GPT2: variants seen among roughly 807,000 people sequenced by gnomAD.
GPT2 encodes alanine aminotransferase 2.
Under a neutral mutation model 56.9 loss-of-function variants are expected in GPT2, and 30 were observed. The ratio of observed to expected loss-of-function variants is 0.53; its 90% confidence interval spans 0.39 to 0.72. The LOEUF (loss-of-function observed/expected upper bound fraction) is 0.72, where lower values mean the gene tolerates loss of function less well. GPT2 is among the 30% of genes least tolerant of loss of function. GPT2 has a pLI of 0.00. For missense variants in GPT2, 542 were observed against 703.4 expected, an observed-to-expected ratio of 0.77 and a Z score of 2.60; for synonymous variants, 271 against 283.1, an observed-to-expected ratio of 0.96 and a Z score of 0.43.
At chr16:46,896,013 C>T (rs1309084860) in intron 2 of GPT2, among the ~76,000 whole-genome samples, 1 of 152,228 alleles carries the variant, frequency 6.6e-6, no homozygotes, top group Non-Finnish European at 1.5e-5. Flanking sequence ...AGGACAAAGG[C>T]CAGGCCCTCC....
chr16:46,903,759 C>G (rs964157240), intron 4 of GPT2, among the ~76,000 whole-genome samples: 19 of 152,172 alleles, frequency 1.2e-4, no homozygotes, highest in African/African-American at 4.3e-4. Flanking sequence ...AGGCTGTGTT[C>G]TAGACACCAA....
intron 9 of GPT2, 95 bp from the exon 10 acceptor site, chr16:46,924,294 C>T (rs762454950): frequency 1.4e-6 from 2 of 1,386,502 alleles, no homozygotes; most frequent in Non-Finnish European, 2.0e-6. Context: ...AAGTCATCAT[C>T]TGGGATTTCC....
chr16:46,924,612 T>A, intron 10 of GPT2, 68 bp downstream of exon 10: 1 of 1,551,492 alleles, frequency 6.4e-7, no homozygotes, highest in Non-Finnish European at 8.8e-7. Flanking sequence ...TGGGGGCCCC[T>A]GCTTATCTTG....
chr16:46,907,120 G>T lies in GPT2; in HGVS notation c.576+145G>T. The T allele has an allele frequency of 3.9e-6, 4 of 1,017,812 alleles. No homozygotes were observed. The East Asian group carries it at 7.6e-5, about 19-fold the overall frequency. 63.0% of individuals were successfully genotyped at this position (1,017,812 alleles called of 1,614,324 possible). A position where few individuals can be genotyped will look rare whatever the true frequency, so the allele number is the denominator to read the frequency against. ...TCTGGTCCCCCAGCCCTGGCAGCCT[G>T]CAGTCTTTGCCTCTTTTAGTCTTCA... On this transcript the variant is annotated intron_variant, in intron 5 of 11. Coordinates refer to ENST00000340124, the MANE Select transcript of GPT2 (RefSeq NM_133443.4).
intron 3 of GPT2, among the ~76,000 whole-genome samples, chr16:46,899,636 G>T (rs1314465380): frequency 6.6e-6 from 1 of 152,166 alleles, no homozygotes; most frequent in East Asian, 1.9e-4. Context: ...AAGGGGAAAT[G>T]AATCAGACCA....
rs145871423 is a variant in GPT2, at chr16:46,906,927, G to A, written c.528G>A (p.Ala176=). Residue 176 remains alanine (A), a synonymous_variant, in exon 5 of 12, where the codon GCG becomes GCA. Transcript: ENST00000340124. Reference sequence around the variant, plus strand: ...CCAGGAGGGATGGCGGTGTGCCTGCGGACCCCGACAACATCTACCTGACCA... The same window carrying A: ...CCAGGAGGGATGGCGGTGTGCCTGCAGACCCCGACAACATCTACCTGACCA... ...YITRRDGGVP[A]DPDNIYLTTG... 1.4e-5 allele frequency: 23 copies of A among 1,614,192 alleles called. No homozygotes were observed. The African/African-American group carries it at 2.7e-4, about 19-fold the overall frequency.
chr16:46,918,530 C>A, intron 7 of GPT2, 91 bp from the exon 8 acceptor site: 1 of 1,469,580 alleles, frequency 6.8e-7, no homozygotes. Context: ...CCTCATGGCC[C>A]ACAGCACCTG....
intron 2 of GPT2, among the ~76,000 whole-genome samples, chr16:46,895,704 G>C (rs1235515359): frequency 1.3e-5 from 2 of 152,088 alleles, no homozygotes; most frequent in African/African-American, 4.8e-5. Flanking sequence ...TTAATTTTTT[G>C]TAGAGACAAG....
rs749593671 is a variant in GPT2 at position 46,884,808 on chromosome 16, C to G, written c.93C>G (p.Ala31=). ...GRSQSSAAAE[A]SAVLKVRPER... ...GCCAGAGCAGCGCGGCCGCCGAGGCCTCGGCGGTGCTCAAGGTGCGGCCCG... is the reference window on the plus strand; with the variant it reads ...GCCAGAGCAGCGCGGCCGCCGAGGCGTCGGCGGTGCTCAAGGTGCGGCCCG... The change falls in exon 2 of 12, where the codon GCC becomes GCG. Residue 31 remains alanine (A), a synonymous_variant. Coordinates refer to ENST00000340124, the MANE Select transcript of GPT2 (RefSeq NM_133443.4). 19 of 1,527,410 alleles carry G rather than the reference C, an allele frequency of 1.2e-5. No homozygotes were observed. In the African/African-American group the frequency reaches 2.6e-4, roughly 21 times the overall value. 94.6% of individuals were successfully genotyped at this position (1,527,410 alleles called of 1,614,324 possible).
chr16:46,910,237 A>G (rs888847291), intron 6 of GPT2, among the ~76,000 whole-genome samples: 4 of 151,950 alleles, frequency 2.6e-5, no homozygotes, highest in African/African-American at 4.8e-5. Context: ...AAAAATTAGC[A>G]GGGCATGGTG....
chr16:46,916,759 G>T, intron 7 of GPT2, 52 bp downstream of exon 7: 1 of 1,257,260 alleles, frequency 8.0e-7, no homozygotes, highest in Non-Finnish European at 1.2e-6. Context: ...TCTTCTAGAG[G>T]GAGGGACCCA....
chr16:46,925,374 A>G (rs990416347), intron 10 of GPT2, among the ~76,000 whole-genome samples: 2 of 152,128 alleles, frequency 1.3e-5, no homozygotes, highest in South Asian at 2.1e-4. Context: ...GGCACCTGCC[A>G]TAACACCCGG....
chr16:46,908,249 C>T (rs1960976965), intron 5 of GPT2, among the ~76,000 whole-genome samples: 1 of 148,592 alleles, frequency 6.7e-6, no homozygotes, highest in African/African-American at 2.5e-5. Context: ...CTGGTGGAGC[C>T]TGCAGTCCCG....
chr16:46,911,761 C>T (rs1236234337), intron 6 of GPT2, among the ~76,000 whole-genome samples: 1 of 152,154 alleles, frequency 6.6e-6, no homozygotes, highest in African/African-American at 2.4e-5. Context: ...CCAGGTGATA[C>T]TGATGCCGGG....
At chr16:46,904,378 A>G (rs2143441494) in intron 4 of GPT2, among the ~76,000 whole-genome samples, 1 of 152,310 alleles carries the variant, frequency 6.6e-6, no homozygotes, top group South Asian at 2.1e-4. Flanking sequence ...GCCGCTGCAC[A>G]CCAGCCTGAG....
chr16:46,916,380 G>C (rs997120337), intron 6 of GPT2: 2 of 408,722 alleles, frequency 4.9e-6, no homozygotes, highest in Non-Finnish European at 8.9e-6. Context: ...AGAGAGCCAG[G>C]TGAGAACCCC....
chr16:46,913,726 C>G (rs1345739819), intron 6 of GPT2, among the ~76,000 whole-genome samples: 1 of 152,080 alleles, frequency 6.6e-6, no homozygotes, highest in Non-Finnish European at 1.5e-5. Context: ...GTAAGATACT[C>G]TATATACTGT....
At chr16:46,887,435 G>A (rs767630388) in intron 2 of GPT2, among the ~76,000 whole-genome samples, 1 of 152,246 alleles carries the variant, frequency 6.6e-6, no homozygotes, top group East Asian at 1.9e-4. Context: ...CTCCAGCCTC[G>A]GCAACAGAGC....
At chr16:46,902,212 C>T (rs570103606) in intron 4 of GPT2, among the ~76,000 whole-genome samples, 38 of 152,302 alleles carry the variant, frequency 2.5e-4, no homozygotes, top group South Asian at 2.1e-4. Flanking sequence ...TGAGTTCCCT[C>T]GTGGGGTATT....
Sources: gnomAD v4.1 joint callset for allele counts (sites outside exome capture counted in the v4.1 genomes callset) on GRCh38, gnomAD v4.1.1 for gene constraint, MANE v1.5 for transcripts, NCBI Gene and HGNC (gene_info 2026-07-23, HGNC 2026-07-21) for gene names.